LRRC28: variants seen among roughly 807,000 people sequenced by gnomAD.
LRRC28 encodes the protein leucine-rich repeat-containing protein 28.
LRRC28 carries 39 observed loss-of-function variants against 45.7 expected under a neutral mutation model. The ratio of observed to expected loss-of-function variants is 0.85; its 90% CI spans 0.66 to 1.12. The LOEUF is 1.12. LRRC28 is among the 50% of genes most tolerant of loss of function. LRRC28 has a pLI of 0.00. For synonymous variants in LRRC28, 206 were observed against 178.8 expected (o/e 1.15, Z -1.22); for missense variants, 435 against 438.5 (o/e 0.99, Z 0.07).
intron 7 of LRRC28, 52 bp downstream of exon 7, chr15:99,352,523 A>G (rs772324239): frequency 7.0e-7 from 1 of 1,428,092 alleles, no homozygotes; most frequent in South Asian, 1.2e-5. Context: ...TACTTTTGGT[A>G]CTTCTGTTCA....
intron 5 of LRRC28, among the ~76,000 whole-genome samples, chr15:99,307,610 A>G (rs548133126): frequency 2.0e-5 from 3 of 152,296 alleles, no homozygotes; most frequent in Non-Finnish European, 2.9e-5. Context: ...TATGTACTCA[A>G]TAAATTTACC....
At chr15:99,376,429 CCTTT>C (rs1450816192) in intron 9 of LRRC28, among the ~76,000 whole-genome samples, 3 of 151,972 alleles carry the variant, frequency 2.0e-5, no homozygotes, top group African/African-American at 7.3e-5. Context: ...TGATTTTAGA[CCTTT>C]CTTTTCTAGT....
chr15:99,339,898 T>C (rs1393120039), intron 6 of LRRC28, among the ~76,000 whole-genome samples: 2 of 152,238 alleles, frequency 1.3e-5, no homozygotes, highest in Non-Finnish European at 2.9e-5. Context: ...TTGGAGATTC[T>C]AGTAGTGTTT....
At chr15:99,336,009 G>A (rs1956309368) in intron 6 of LRRC28, among the ~76,000 whole-genome samples, 1 of 152,088 alleles carries the variant, frequency 6.6e-6, no homozygotes, top group Non-Finnish European at 1.5e-5. Flanking sequence ...AAACAGATTA[G>A]GTTGTTAAGT....
rs1274136805 is a variant in LRRC28, at chr15:99,296,299, A to G, written c.385+8348A>G. Among the ~76,000 whole-genome samples the G allele has an allele frequency of 2.0e-5, 3 of 152,192 alleles. No individual in the cohort carries two copies. The East Asian group carries it at 5.8e-4, about 29-fold the overall frequency. ...CAGCCCTGGTTTCCTCATCACTTCC[A>G]TTGTGCCTACCTACTATGTGATCAG... On this transcript the variant is annotated intron_variant, in intron 5 of 9. Transcript: ENST00000301981.
intron 5 of LRRC28, among the ~76,000 whole-genome samples, chr15:99,309,709 A>T (rs978386338): frequency 2.0e-5 from 3 of 152,116 alleles, no homozygotes; most frequent in African/African-American, 7.2e-5. Flanking sequence ...GCCCACTGGG[A>T]AGATGTCTTT....
chr15:99,319,060 C>T (rs977203203), intron 5 of LRRC28, among the ~76,000 whole-genome samples: 2 of 152,032 alleles, frequency 1.3e-5, no homozygotes, highest in Non-Finnish European at 2.9e-5. Flanking sequence ...TCATTCTTTC[C>T]AGCAAGTAAA....
chr15:99,281,067 G>A (rs112829261), intron 3 of LRRC28, among the ~76,000 whole-genome samples: 4 of 150,776 alleles, frequency 2.7e-5, no homozygotes, highest in South Asian at 2.1e-4. Flanking sequence ...TTGCTCTGTC[G>A]CCCAGGCTGG....
rs1252660785 is a variant in LRRC28, at chr15:99,273,227, T to TG, written c.169-3348dup. 1.3e-4 allele frequency among the ~76,000 whole-genome samples: 20 copies of TG among 148,928 alleles called. No homozygotes were observed. In the East Asian group the frequency reaches 3.4e-3, roughly 25 times the overall value. On this transcript the variant is annotated intron_variant, in intron 2 of 9. Coordinates refer to ENST00000301981, the MANE Select transcript of LRRC28 (RefSeq NM_144598.5). The stretch of plus-strand genomic sequence containing the variant: ...GGCATCTATTCCTAAGTGTGTGGTG[T>TG]GTTTTTTTTTGTTTGTTTTTGTTTT...
intron 5 of LRRC28, among the ~76,000 whole-genome samples, chr15:99,300,728 AGG>A (rs1279462368): frequency 6.6e-6 from 1 of 152,192 alleles, no homozygotes; most frequent in African/African-American, 2.4e-5. Context: ...CAGGAAGCTG[AGG>A]CATGAGAATC....
rs1327794715 is a variant in LRRC28 at position 99,282,191 on chromosome 15, T to TTTTTTTTTTG, written c.210-5066_210-5065insTTTTTTTTTG. Among the ~76,000 whole-genome samples, 218 of 138,362 alleles carry TTTTTTTTTTG rather than the reference T, an allele frequency of 1.6e-3. 4 individuals are homozygous for TTTTTTTTTTG. Among genetic ancestry groups the TTTTTTTTTTG allele is most frequent in the African/African-American group, 1.9e-3 (72 of 38,424 alleles). The allele number at this position is 138,362 out of a possible 152,430, so 90.8% of individuals were successfully genotyped here. A position where few individuals can be genotyped will look rare whatever the true frequency, so the allele number is the denominator to read the frequency against. On this transcript the variant is annotated intron_variant, in intron 3 of 9. Transcript: ENST00000301981. ...AATTTTTGGAGGTTTTTTTTTTTTT[T>TTTTTTTTTTG]GTAGCAGTAGCTCTCTCTTCTTCAG...
chr15:99,328,991 C>T (rs1956074172), intron 5 of LRRC28, among the ~76,000 whole-genome samples: 2 of 151,830 alleles, frequency 1.3e-5, no homozygotes, highest in African/African-American at 2.4e-5. Flanking sequence ...AACTGATTCC[C>T]ATAATAAATC....
chr15:99,282,894 T>TA (rs925172305), intron 3 of LRRC28, among the ~76,000 whole-genome samples: 10 of 152,316 alleles, frequency 6.6e-5, no homozygotes, highest in African/African-American at 2.4e-4. Context: ...TTTCTTTAAT[T>TA]AAAAATTTTT....
At chr15:99,296,558 A>C (rs1416867258) in intron 5 of LRRC28, among the ~76,000 whole-genome samples, 1 of 152,188 alleles carries the variant, frequency 6.6e-6, no homozygotes, top group African/African-American at 2.4e-5. Flanking sequence ...GAATCTAAAA[A>C]ATTAATCTCT....
intron 5 of LRRC28, among the ~76,000 whole-genome samples, chr15:99,291,888 T>G (rs2082131268): frequency 6.6e-6 from 1 of 152,224 alleles, no homozygotes; most frequent in African/African-American, 2.4e-5. Flanking sequence ...AGTATTGCAT[T>G]TTTTTGAATT....
intron 3 of LRRC28, chr15:99,286,714 C>A (rs2081969015): frequency 6.6e-6 from 1 of 152,234 alleles, no homozygotes; most frequent in South Asian, 2.1e-4. Flanking sequence ...TTTCTTGTTA[C>A]AAAATTTCTT....
At chr15:99,345,991 A>ATT (rs367847997) in intron 6 of LRRC28, among the ~76,000 whole-genome samples, 7 of 149,474 alleles carry the variant, frequency 4.7e-5, no homozygotes, top group African/African-American at 1.5e-4. Flanking sequence ...CTCTCTTTTT[A>ATT]TTTTTTTTTT....
At chr15:99,356,756 C>G (rs1358991595) in intron 7 of LRRC28, among the ~76,000 whole-genome samples, 2 of 152,142 alleles carry the variant, frequency 1.3e-5, no homozygotes, top group African/African-American at 4.8e-5. Context: ...GTAGGCAAAG[C>G]TGATGGGTAC....
At chr15:99,290,728 TCAGGATCGCTTGAAGC>T (rs2082099830) in intron 5 of LRRC28, among the ~76,000 whole-genome samples, 1 of 151,806 alleles carries the variant, frequency 6.6e-6, no homozygotes, top group Non-Finnish European at 1.5e-5. Flanking sequence ...GGCGAGAGGA[TCAGGATCGCTTGAAGC>T]CAGGAGTTCG....
Sources: allele counts gnomAD v4.1 joint callset (sites outside exome capture counted in the v4.1 genomes callset), GRCh38; gene constraint gnomAD v4.1.1; transcripts MANE v1.5; gene names NCBI Gene and HGNC (gene_info 2026-07-23, HGNC 2026-07-21).